Variants in EPRS1 observed in about 807,000 individuals in gnomAD.
The protein encoded by EPRS1 is glutamyl-prolyl-tRNA synthetase 1, also known as bifunctional glutamate/proline--tRNA ligase.
In EPRS1, 107 loss-of-function variants were observed where a neutral mutation model predicts 188.3. The ratio of observed to expected loss-of-function variants is 0.57; its 90% CI spans 0.49 to 0.67. The LOEUF (loss-of-function observed/expected upper bound fraction) is 0.67, where lower values mean the gene tolerates loss of function less well. Ranked by LOEUF, EPRS1 falls within the 30% of genes least tolerant of loss-of-function variation. The pLI, the probability that EPRS1 is intolerant of heterozygous loss-of-function variation, is 0.00. For synonymous variants in EPRS1, 596 were observed against 593.1 expected, an observed-to-expected ratio of 1.00 and a Z score of -0.07; for missense variants, 1,577 against 1,802.2, an observed-to-expected ratio of 0.88 and a Z score of 2.26.
At chr1:219,993,330 C>T (rs1325675453) in intron 18 of EPRS1, among the ~76,000 whole-genome samples, 1 of 152,160 alleles carries the variant, frequency 6.6e-6, no homozygotes, top group Non-Finnish European at 1.5e-5. Flanking sequence ...CCTCACACTA[C>T]ACCAACTTGA....
intron 1 of EPRS1, among the ~76,000 whole-genome samples, chr1:220,045,840 G>C (rs1351475986): frequency 1.3e-5 from 2 of 152,142 alleles, no homozygotes; most frequent in Non-Finnish European, 2.9e-5. Context: ...TATTTCTTCT[G>C]AACTCGATAA....
intron 17 of EPRS1, 115 bp downstream of exon 17, chr1:220,001,023 A>G (rs1661339509): frequency 2.8e-6 from 2 of 708,938 alleles, no homozygotes; most frequent in Non-Finnish European, 5.1e-6. Flanking sequence ...GCAAGACTTA[A>G]CTGTCTTCTT....
At chr1:219,996,865 A>G (rs1661244792) in intron 18 of EPRS1, 118 bp downstream of exon 18, 3 of 1,107,762 alleles carry the variant, frequency 2.7e-6, no homozygotes, top group Non-Finnish European at 3.9e-6. Flanking sequence ...GTATCAATCA[A>G]TGTTGATTAT....
intron 6 of EPRS1, 149 bp downstream of exon 6, chr1:220,030,237 T>C (rs1236767883): frequency 3.7e-6 from 2 of 536,212 alleles, no homozygotes; most frequent in Admixed American, 3.5e-5. Flanking sequence ...ACATAAAAAC[T>C]GTTAAAACGT....
chr1:220,020,913 C>A lies in EPRS1; in HGVS notation c.1116-692G>T, dbSNP rs1305955756. Reference sequence around the variant, plus strand: ...CTTTCTTTTTTTTTGGAGACAGTCTCGCTCTTTTACCCAGGCTAGAGTGCA... The same window carrying A: ...CTTTCTTTTTTTTTGGAGACAGTCTAGCTCTTTTACCCAGGCTAGAGTGCA... On this transcript the variant is annotated intron_variant, in intron 9 of 31. Transcript: ENST00000366923. 3.4e-5 allele frequency among the ~76,000 whole-genome samples: 5 copies of A among 145,174 alleles called. No homozygotes were observed. In the East Asian group the frequency reaches 1.0e-3, roughly 29 times the overall value.
intron 16 of EPRS1, among the ~76,000 whole-genome samples, chr1:220,003,523 TA>T (rs1243906513): frequency 6.6e-6 from 1 of 152,224 alleles, no homozygotes; most frequent in Admixed American, 6.5e-5. Context: ...AAGAGTTTTA[TA>T]GTTTTTAGCT....
At chr1:219,983,938 T>C (rs1571659877) in intron 21 of EPRS1, among the ~76,000 whole-genome samples, 2 of 152,018 alleles carry the variant, frequency 1.3e-5, no homozygotes, top group African/African-American at 4.8e-5. Context: ...GCCTCTGCTA[T>C]TGACTATATC....
At chr1:219,978,122 G>A (rs1034104294) in intron 28 of EPRS1, among the ~76,000 whole-genome samples, 1 of 152,248 alleles carries the variant, frequency 6.6e-6, no homozygotes, top group Middle Eastern at 3.4e-3. Context: ...AATGTGGTGT[G>A]AAAACTCAAG....
In EPRS1 at chr1:220,019,062, G is replaced by A. The variant is rs1661803451; in HGVS notation, c.1367C>T (p.Pro456Leu). The change falls in exon 11 of 32, where the codon CCT (proline) becomes CTT (leucine). Residue 456 changes from proline to leucine, a missense_variant. Pro to Leu is a moderately conservative substitution (Grantham distance 98). This residue lies in a region of EPRS1 where 1,278 missense variants were observed against 1,457.4 expected (regional missense o/e 0.88). Transcript: ENST00000366923. ...TCTTCTCAGTACACCACGAACCGTA[G>A]GAAATCTTGGGTCATCCCTGGAAAT... ...LVDGWDDPRF[P>L]TVRGVLRRGM... 1 of 1,612,140 alleles carries A rather than the reference G, an allele frequency of 6.2e-7. No homozygotes were observed. Among genetic ancestry groups the A allele is most frequent in the African/African-American group, 1.3e-5 (1 of 74,840 alleles).
chr1:220,027,775 G>A (rs1313312582), intron 6 of EPRS1, among the ~76,000 whole-genome samples: 3 of 151,960 alleles, frequency 2.0e-5, no homozygotes, highest in African/African-American at 4.8e-5. Context: ...CTGAGGTCGC[G>A]AGTTCAAGAC....
intron 29 of EPRS1, 104 bp from the exon 30 acceptor site, chr1:219,972,251 A>T: frequency 1.6e-6 from 1 of 636,306 alleles, no homozygotes; most frequent in Non-Finnish European, 2.7e-6. Context: ...CCTGGGAGTG[A>T]GAAGGACTCA....
rs1320368031 is a variant in EPRS1, at chr1:220,022,475, C to T, written c.987G>A (p.Gly329=). 8 of 1,613,644 alleles carry T rather than the reference C, an allele frequency of 5.0e-6. No individual in the cohort carries two copies. Among genetic ancestry groups the T allele is most frequent in the Non-Finnish European group, 6.8e-6 (8 of 1,179,882 alleles). The change falls in exon 9 of 32, where the codon GGG becomes GGA. Residue 329 remains glycine (G), a synonymous_variant. Transcript: ENST00000366923. The part of the protein sequence containing the change: ...NLQMWEEMKK[G]SQFGQSCCLR... Reference sequence around the variant, plus strand: ...AACAACAGGACTGACCAAACTGGCTCCCTTTTTTCATTTCTTCCCACATTT... The same window carrying T: ...AACAACAGGACTGACCAAACTGGCTTCCTTTTTTCATTTCTTCCCACATTT...
intron 18 of EPRS1, among the ~76,000 whole-genome samples, chr1:219,996,671 G>A (rs2647470): frequency 0.8 from 122,010 of 152,116 alleles, 49,094 homozygotes; most frequent in East Asian, 0.93. Context: ...TTTATAAATG[G>A]TTTCCACCTT....
At position 220,044,681 on chromosome 1, in the gene EPRS1, CAAAAAAAAAAAAAA is replaced by C. The variant is rs71560597; in HGVS notation, c.46+1648_46+1661del. Among the ~76,000 whole-genome samples, 72 of 88,350 alleles carry C rather than the reference CAAAAAAAAAAAAAA, an allele frequency of 8.1e-4. 1 individual carries two copies. Among genetic ancestry groups the C allele is most frequent in the South Asian group, 5.8e-3 (15 of 2,582 alleles). The allele number at this position is 88,350 out of a possible 152,430, so 58.0% of individuals were successfully genotyped here. A position where few individuals can be genotyped will look rare whatever the true frequency, so the allele number is the denominator to read the frequency against. ...CAGAGGTTGCAATGAGCTCGGTCTC[CAAAAAAAAAAAAAA>C]AAAAAAAAAAAAAAAAAACAGTATC... is the stretch of plus-strand genomic sequence containing the variant. On this transcript the variant is annotated intron_variant, in intron 1 of 31. Coordinates refer to ENST00000366923, the MANE Select transcript of EPRS1 (RefSeq NM_004446.3).
In EPRS1 at chr1:220,022,290, G is replaced by A. The variant is rs569888875; in HGVS notation, c.1115+57C>T. The A allele has an allele frequency of 7.5e-4, 1,097 of 1,462,724 alleles. 1 individual carries two copies. Among genetic ancestry groups the A allele is most frequent in the Non-Finnish European group, 9.8e-4 (1,046 of 1,068,442 alleles). The allele number at this position is 1,462,724 out of a possible 1,614,324, so 90.6% of individuals were successfully genotyped here. ...ATTTTGCTTGTACTCCATGTTTAAA[G>A]AAGATCAAAACAAAAGCACAGATGG... is the stretch of plus-strand genomic sequence containing the variant. On this transcript the variant is annotated intron_variant, in intron 9 of 31. Transcript: ENST00000366923.
chr1:220,003,868 G>C (rs188769072), intron 16 of EPRS1, among the ~76,000 whole-genome samples: 7 of 152,284 alleles, frequency 4.6e-5, no homozygotes, highest in Admixed American at 1.3e-4. Flanking sequence ...TCCAGGAAAA[G>C]GCATCAAGTG....
intron 1 of EPRS1, among the ~76,000 whole-genome samples, chr1:220,045,669 A>C (rs190032749): frequency 6.6e-6 from 1 of 152,228 alleles, no homozygotes; most frequent in African/African-American, 2.4e-5. Context: ...GACAGATCCA[A>C]TGTTTACTCT....
Position 219,982,467 on chromosome 1 carries a change from A to G in EPRS1, c.3373+305T>C, listed in dbSNP as rs951451779. On this transcript the variant is annotated intron_variant, in intron 23 of 31. Transcript: ENST00000366923. ...TAAAAATTGCATTTGCAATATTATA[A>G]TCAATTCCAACAATAAAAATTATTC... 7 of 214,058 alleles carry G rather than the reference A, an allele frequency of 3.3e-5. No individual in the cohort carries two copies. In the Admixed American group the frequency reaches 3.4e-4, roughly 10 times the overall value. The allele number at this position is 214,058 out of a possible 1,614,324, so 13.3% of individuals were successfully genotyped here.
chr1:219,996,285 T>C (rs1443767997), intron 18 of EPRS1, among the ~76,000 whole-genome samples: 1 of 152,222 alleles, frequency 6.6e-6, no homozygotes, highest in Non-Finnish European at 1.5e-5. Flanking sequence ...GGCTCTGCTA[T>C]GAAAAGCTGG....
Sources: allele counts gnomAD v4.1 joint callset (sites outside exome capture counted in the v4.1 genomes callset), GRCh38; gene constraint gnomAD v4.1.1; regional missense constraint gnomAD v4.1.1; transcripts MANE v1.5; gene names NCBI Gene and HGNC (gene_info 2026-07-23, HGNC 2026-07-21).